Variants in STAT5B observed in about 807,000 individuals in gnomAD.
STAT5B encodes transcription factor STAT5B.
Under a neutral mutation model 107.8 loss-of-function variants are expected in STAT5B, and 21 were observed. The ratio of observed to expected loss-of-function variants is 0.19; its 90% confidence interval spans 0.14 to 0.28. The LOEUF (loss-of-function observed/expected upper bound fraction) is 0.28, where lower values mean the gene tolerates loss of function less well. Ranked by LOEUF, STAT5B falls within the 10% of genes least tolerant of loss-of-function variation. The pLI is 1.00. For synonymous variants in STAT5B, 325 were observed against 401.7 expected (o/e 0.81, Z 2.28); for missense variants, 565 against 1,008.2 (o/e 0.56, Z 5.95).
intron 1 of STAT5B, among the ~76,000 whole-genome samples, chr17:42,236,660 C>G (rs1207493859): frequency 6.6e-6 from 1 of 152,170 alleles, no homozygotes; most frequent in African/African-American, 2.4e-5. Context: ...TGGTCTTGAA[C>G]TACTGACCTC....
At chr17:42,248,385 AAAC>A (rs1397512032) in intron 1 of STAT5B, among the ~76,000 whole-genome samples, 2 of 152,174 alleles carry the variant, frequency 1.3e-5, no homozygotes, top group Non-Finnish European at 2.9e-5. Context: ...GAAAAAAAAA[AAAC>A]AACAACGGTT....
Position 42,242,144 on chromosome 17 carries a change from A to G in STAT5B, c.-10-10007T>C, listed in dbSNP as rs866174293. Among the ~76,000 whole-genome samples the G allele has an allele frequency of 3.3e-5, 5 of 152,192 alleles. No individual in the cohort carries two copies. The South Asian group carries it at 1.0e-3, about 31-fold the overall frequency. On this transcript the variant is annotated intron_variant, in intron 1 of 18. Transcript: ENST00000293328. Reference sequence around the variant, plus strand: ...AGAACAGAGAATGGAGGAGGGGAAAAGGGTAAGGGAGGGAATAAAGGAGAA... The same window carrying G: ...AGAACAGAGAATGGAGGAGGGGAAAGGGGTAAGGGAGGGAATAAAGGAGAA...
Position 42,217,265 on chromosome 17 carries a change from CTTAA to C in STAT5B, c.1271_1274del (p.Ile424ArgfsTer11), listed in dbSNP as rs1735153772. On this transcript the variant is annotated frameshift_variant, in exon 11 of 19. Transcript: ENST00000293328. LOFTEE classifies it high-confidence loss of function. ...ACTCTGCCCCACGACGGTCTGACCTCTTAATTCGTTTCAGGGACTACAAAGAAGA... is the reference window on the plus strand; with the variant it reads ...ACTCTGCCCCACGACGGTCTGACCTCTTCGTTTCAGGGACTACAAAGAAGA... 1 of 1,614,040 alleles carries C rather than the reference CTTAA, an allele frequency of 6.2e-7. No individual in the cohort carries two copies. Among genetic ancestry groups the C allele is most frequent in the African/African-American group, 1.3e-5 (1 of 74,924 alleles).
chr17:42,262,910 A>G (rs1048520918), intron 1 of STAT5B, among the ~76,000 whole-genome samples: 36 of 116,488 alleles, frequency 3.1e-4, no homozygotes, highest in African/African-American at 1.1e-3. Context: ...ATATATGTGT[A>G]TATATATGTG....
At chr17:42,203,477 C>T (rs968996225) in intron 16 of STAT5B, among the ~76,000 whole-genome samples, 1 of 151,756 alleles carries the variant, frequency 6.6e-6, no homozygotes, top group Non-Finnish European at 1.5e-5. Flanking sequence ...AGGATTTGTT[C>T]TACCTGACCC....
chr17:42,270,034 ACC>A (rs2080709194), intron 1 of STAT5B, among the ~76,000 whole-genome samples: 2 of 151,322 alleles, frequency 1.3e-5, no homozygotes, highest in Non-Finnish European at 2.9e-5. Context: ...ACATGTCAAA[ACC>A]CCGTCTCTAC....
chr17:42,252,171 C>CGATAT (rs2080505997), intron 1 of STAT5B, among the ~76,000 whole-genome samples: 1 of 151,930 alleles, frequency 6.6e-6, no homozygotes, highest in South Asian at 2.1e-4. Flanking sequence ...CAGTGCTGTG[C>CGATAT]GATATATCAA....
chr17:42,201,926 C>T, intron 18 of STAT5B, 62 bp from the exon 19 acceptor site: 1 of 1,546,904 alleles, frequency 6.5e-7, no homozygotes, highest in Non-Finnish European at 8.9e-7. Context: ...CACCCCAAGC[C>T]CCACAGGCCA....
intron 1 of STAT5B, among the ~76,000 whole-genome samples, chr17:42,267,681 G>A (rs867075093): frequency 5.9e-5 from 9 of 152,240 alleles, no homozygotes; most frequent in Admixed American, 3.3e-4. Context: ...ACAGTTGGCC[G>A]GGCACGGCGG....
In STAT5B at chr17:42,209,696, A is replaced by G. The variant is rs2080113707; in HGVS notation, c.1906+475T>C. Among the ~76,000 whole-genome samples the G allele has an allele frequency of 2.0e-5, 3 of 152,342 alleles. No homozygotes were observed. The South Asian group carries it at 6.2e-4, about 32-fold the overall frequency. On this transcript the variant is annotated intron_variant, in intron 15 of 18. Coordinates refer to ENST00000293328, the MANE Select transcript of STAT5B (RefSeq NM_012448.4). ...GCACTCCAGCCCGGGCAAAAGAGTG[A>G]GACCCTGTTTCAAAAAAAGAAAAGA... is the stretch of plus-strand genomic sequence containing the variant.
chr17:42,202,476 C>G (rs569240802), intron 17 of STAT5B, 29 bp from the exon 18 acceptor site: 19 of 1,612,134 alleles, frequency 1.2e-5, no homozygotes, highest in African/African-American at 2.7e-5. Flanking sequence ...AGAGCTTCAG[C>G]TGCCAGGGAG....
intron 1 of STAT5B, among the ~76,000 whole-genome samples, chr17:42,250,640 C>T (rs1444272356): frequency 1.3e-5 from 2 of 152,006 alleles, no homozygotes; most frequent in East Asian, 1.9e-4. Flanking sequence ...AAAATCATCA[C>T]GAGGCCGGGC....
At chr17:42,255,822 G>A (rs910886461) in intron 1 of STAT5B, among the ~76,000 whole-genome samples, 9 of 152,320 alleles carry the variant, frequency 5.9e-5, no homozygotes, top group East Asian at 3.9e-4. Context: ...CGGGCACAGC[G>A]GCTCGCGCCT....
intron 12 of STAT5B, among the ~76,000 whole-genome samples, chr17:42,215,496 T>C (rs1038850527): frequency 3.3e-5 from 5 of 152,232 alleles, no homozygotes; most frequent in African/African-American, 1.2e-4. Context: ...CATGTGGTCA[T>C]GGAGTGAGGA....
intron 12 of STAT5B, 57 bp from the exon 13 acceptor site, chr17:42,212,247 C>G: frequency 6.3e-7 from 1 of 1,592,306 alleles, no homozygotes; most frequent in Non-Finnish European, 8.5e-7. Flanking sequence ...TTTATTCCCT[C>G]AAGCCACAAA....
At chr17:42,271,894 T>G (rs2080724798) in intron 1 of STAT5B, 1 of 152,226 alleles carries the variant, frequency 6.6e-6, no homozygotes, top group African/African-American at 2.4e-5. Flanking sequence ...AATTGAATTG[T>G]ACATAATTGT....
intron 13 of STAT5B, 129 bp downstream of exon 13, chr17:42,211,855 A>T: frequency 1.6e-6 from 2 of 1,242,078 alleles, no homozygotes; most frequent in Non-Finnish European, 2.3e-6. Flanking sequence ...CCATCTAGTC[A>T]GAAGCTTCTA....
At chr17:42,202,916 T>A in intron 16 of STAT5B, 108 bp from the exon 17 acceptor site, 2 of 1,376,484 alleles carry the variant, frequency 1.5e-6, no homozygotes, top group Admixed American at 1.7e-5. Context: ...ACCTAACTTA[T>A]CTAAGGATAT....
intron 16 of STAT5B, among the ~76,000 whole-genome samples, chr17:42,205,923 CA>C (rs370495422): frequency 6.6e-6 from 1 of 151,480 alleles, no homozygotes; most frequent in East Asian, 1.9e-4. Context: ...AAAACAACAA[CA>C]AAAAAAACAA....
Sources: gnomAD v4.1 joint callset for allele counts (sites outside exome capture counted in the v4.1 genomes callset) on GRCh38, gnomAD v4.1.1 for gene constraint, MANE v1.5 for transcripts, NCBI Gene and HGNC (gene_info 2026-07-23, HGNC 2026-07-21) for gene names.